Variants in SLC24A2 observed in about 807,000 individuals in gnomAD.
SLC24A2 encodes the protein solute carrier family 24 member 2.
SLC24A2 carries 36 observed loss-of-function variants against 62.0 expected under a neutral mutation model. The ratio of observed to expected loss-of-function variants is 0.58; its 90% CI spans 0.44 to 0.77. The LOEUF is 0.77. Ranked by LOEUF, SLC24A2 falls within the 30% of genes least tolerant of loss-of-function variation. SLC24A2 has a pLI of 0.00. For synonymous variants in SLC24A2, 358 were observed against 294.0 expected, an observed-to-expected ratio of 1.22 and a Z score of -2.23; for missense variants, 846 against 817.9, an observed-to-expected ratio of 1.03 and a Z score of -0.42.
At chr9:19,607,766 T>G (rs1453994100) in intron 4 of SLC24A2, among the ~76,000 whole-genome samples, 1 of 151,754 alleles carries the variant, frequency 6.6e-6, no homozygotes, top group Non-Finnish European at 1.5e-5. Context: ...ACATACCTTG[T>G]GGCCTTTGCT....
the SLC24A2 span, among the ~76,000 whole-genome samples, chr9:20,176,930 A>G: frequency 6.6e-6 from 1 of 152,090 alleles, no homozygotes. Flanking sequence ...AAGTGTGGAA[A>G]ATTAGAACTT....
the SLC24A2 span, among the ~76,000 whole-genome samples, chr9:20,135,751 A>T: frequency 6.6e-6 from 1 of 152,182 alleles, no homozygotes; most frequent in East Asian, 1.9e-4. Context: ...TTAATTTCTG[A>T]GAATGCATTT....
chr9:20,218,310 A>G, the SLC24A2 span, among the ~76,000 whole-genome samples: 3 of 152,142 alleles, frequency 2.0e-5, no homozygotes, highest in Non-Finnish European at 4.4e-5. Flanking sequence ...ACCTCTGTAA[A>G]AGAACCCTTG....
chr9:20,137,406 G>A, the SLC24A2 span, among the ~76,000 whole-genome samples: 2 of 152,194 alleles, frequency 1.3e-5, no homozygotes, highest in Non-Finnish European at 2.9e-5. Context: ...GAAATTGGAA[G>A]AGCTGGGTTT....
chr9:20,111,296 C>G, the SLC24A2 span, among the ~76,000 whole-genome samples: 1 of 152,160 alleles, frequency 6.6e-6, no homozygotes, highest in Non-Finnish European at 1.5e-5. Context: ...TTAGCCAGAT[C>G]TCCCTACTGA....
the SLC24A2 span, among the ~76,000 whole-genome samples, chr9:19,942,861 G>A: frequency 6.6e-6 from 1 of 152,152 alleles, no homozygotes; most frequent in Non-Finnish European, 1.5e-5. Flanking sequence ...AGGCGCCGAT[G>A]AGCCAACAAA....
the SLC24A2 span, among the ~76,000 whole-genome samples, chr9:19,843,764 G>C: frequency 6.6e-6 from 1 of 152,138 alleles, no homozygotes; most frequent in African/African-American, 2.4e-5. Flanking sequence ...TTACAAGTGA[G>C]AGCATGTGAT....
intron 2 of SLC24A2, among the ~76,000 whole-genome samples, chr9:19,726,099 G>C (rs1198911769): frequency 6.6e-6 from 1 of 152,182 alleles, no homozygotes; most frequent in African/African-American, 2.4e-5. Flanking sequence ...AATGAAAGCG[G>C]AGTCAAGGCC....
chr9:19,521,816 AG>A (rs1296103500), intron 9 of SLC24A2, among the ~76,000 whole-genome samples: 1 of 151,762 alleles, frequency 6.6e-6, no homozygotes, highest in Non-Finnish European at 1.5e-5. Flanking sequence ...CTTTGTGAAT[AG>A]TACATTATTA....
At chr9:19,722,600 G>T (rs10964258) in intron 2 of SLC24A2, among the ~76,000 whole-genome samples, 1,789 of 151,898 alleles carry the variant, frequency 0.012, 19 homozygotes, top group Non-Finnish European at 0.021. Context: ...GTTACAAGAT[G>T]CCCATTAGGC....
the SLC24A2 span, among the ~76,000 whole-genome samples, chr9:19,839,700 A>T: frequency 6.6e-6 from 1 of 152,200 alleles, no homozygotes; most frequent in Non-Finnish European, 1.5e-5. Flanking sequence ...CAGGCTCCAA[A>T]ACACAGCTGA....
chr9:20,284,220 TCACTG>T, the SLC24A2 span, among the ~76,000 whole-genome samples: 1 of 152,166 alleles, frequency 6.6e-6, no homozygotes, highest in Non-Finnish European at 1.5e-5. Flanking sequence ...TAAGTCAAAA[TCACTG>T]GTGATCCTCA....
At chr9:20,121,699 T>A in the SLC24A2 span, among the ~76,000 whole-genome samples, 3 of 152,140 alleles carry the variant, frequency 2.0e-5, no homozygotes, top group African/African-American at 7.2e-5. Context: ...TAGAAAGACA[T>A]GCAGTGTTTT....
intron 2 of SLC24A2, among the ~76,000 whole-genome samples, chr9:19,734,383 C>T (rs932193667): frequency 1.3e-5 from 2 of 152,024 alleles, no homozygotes; most frequent in African/African-American, 4.8e-5. Flanking sequence ...TTTTTTGGTT[C>T]CATATGAACT....
At chr9:20,105,191 C>G in the SLC24A2 span, among the ~76,000 whole-genome samples, 1 of 152,206 alleles carries the variant, frequency 6.6e-6, no homozygotes, top group African/African-American at 2.4e-5. Context: ...CACCCAGATT[C>G]ATAAAGCAAG....
At chr9:20,097,828 C>G in the SLC24A2 span, among the ~76,000 whole-genome samples, 2 of 145,534 alleles carry the variant, frequency 1.4e-5, no homozygotes, top group African/African-American at 2.5e-5. Flanking sequence ...CTGCAAGCTC[C>G]GCCTCCCGGG....
intron 2 of SLC24A2, among the ~76,000 whole-genome samples, chr9:19,733,588 T>C (rs1014165092): frequency 6.6e-6 from 1 of 152,212 alleles, no homozygotes; most frequent in African/African-American, 2.4e-5. Flanking sequence ...ATTGAATGAA[T>C]GAAAAATCAT....
intron 7 of SLC24A2, among the ~76,000 whole-genome samples, chr9:19,561,740 T>G (rs1835414373): frequency 6.6e-6 from 1 of 152,070 alleles, no homozygotes; most frequent in South Asian, 2.1e-4. Flanking sequence ...GAAAACAGAC[T>G]TCTTAAAAAT....
At chr9:20,049,624 G>A in the SLC24A2 span, among the ~76,000 whole-genome samples, 1 of 49,956 alleles carries the variant, frequency 2.0e-5, no homozygotes, top group Non-Finnish European at 3.6e-5. Flanking sequence ...TAATCCAGGT[G>A]ACTGGTAACA....
Sources: gnomAD v4.1 joint callset for allele counts (sites outside exome capture counted in the v4.1 genomes callset) on GRCh38, gnomAD v4.1.1 for gene constraint, MANE v1.5 for transcripts, NCBI Gene and HGNC (gene_info 2026-07-23, HGNC 2026-07-21) for gene names.